The following TRAPPC9 variants were observed in gnomAD, a reference collection of about 807,000 sequenced individuals.
The protein encoded by TRAPPC9 is trafficking protein particle complex subunit 9.
Under a neutral mutation model 124.0 loss-of-function variants are expected in TRAPPC9, and 83 were observed. That is an observed-to-expected ratio of 0.67 (90% CI 0.56 to 0.80). The LOEUF is 0.80. TRAPPC9 is among the 30% of genes least tolerant of loss of function. The pLI is 0.00. For synonymous variants in TRAPPC9, 638 were observed against 617.5 expected (o/e 1.03, Z -0.49); for missense variants, 1,302 against 1,508.3 (o/e 0.86, Z 2.27).
At chr8:140,029,643 T>A (rs186308762) in intron 17 of TRAPPC9, among the ~76,000 whole-genome samples, 2,198 of 149,356 alleles carry the variant, frequency 0.015, 41 homozygotes, top group African/African-American at 0.05. Context: ...AAATTAAAAA[T>A]ATATATATAT....
intron 18 of TRAPPC9, among the ~76,000 whole-genome samples, chr8:140,002,518 AAGAAAAACTCTGAGGACTC>A (rs1281478885): frequency 6.6e-6 from 1 of 152,124 alleles, no homozygotes; most frequent in Non-Finnish European, 1.5e-5. Flanking sequence ...TTAAAAATAA[AAGAAAAACTCTGAGGACTC>A]AGAGTTTTAG....
chr8:140,222,806 C>T (rs1056013744), intron 16 of TRAPPC9, among the ~76,000 whole-genome samples: 5 of 152,136 alleles, frequency 3.3e-5, no homozygotes, highest in Admixed American at 6.5e-5. Context: ...ATGAGTATGG[C>T]GAGTATCACA....
chr8:140,352,536 C>G (rs12542330), intron 9 of TRAPPC9, among the ~76,000 whole-genome samples: 68,461 of 151,972 alleles, frequency 0.45, 15,921 homozygotes, highest in East Asian at 0.55. Flanking sequence ...GGAGAGGCCA[C>G]CTTCCCAACA....
At chr8:139,755,089 G>A (rs1242924554) in intron 21 of TRAPPC9, among the ~76,000 whole-genome samples, 1 of 152,250 alleles carries the variant, frequency 6.6e-6, no homozygotes, top group Non-Finnish European at 1.5e-5. Flanking sequence ...CACCTGAGAG[G>A]TCGTTGTAAT....
intron 18 of TRAPPC9, chr8:140,008,502 A>G (rs1041060203): frequency 6.4e-4 from 98 of 152,364 alleles, no homozygotes; most frequent in African/African-American, 2.2e-3. Context: ...GATTTCTGAG[A>G]GGTAAAGCAG....
intron 19 of TRAPPC9, among the ~76,000 whole-genome samples, chr8:139,924,088 G>A (rs1272641591): frequency 6.6e-6 from 1 of 152,134 alleles, no homozygotes; most frequent in Non-Finnish European, 1.5e-5. Context: ...CTCAGTGCAG[G>A]GTGACAGAGA....
chr8:140,384,620 T>C (rs550325000), intron 7 of TRAPPC9, among the ~76,000 whole-genome samples: 1 of 152,330 alleles, frequency 6.6e-6, no homozygotes, highest in Admixed American at 6.5e-5. Flanking sequence ...AAGAGCTAAC[T>C]ATCCTAAATA....
At chr8:140,127,251 C>G (rs1297831267) in intron 17 of TRAPPC9, among the ~76,000 whole-genome samples, 1 of 152,156 alleles carries the variant, frequency 6.6e-6, no homozygotes, top group Non-Finnish European at 1.5e-5. Context: ...GAGGCATGCA[C>G]CAAGCCTACC....
At chr8:140,330,027 C>T (rs935543042) in intron 9 of TRAPPC9, among the ~76,000 whole-genome samples, 4 of 151,956 alleles carry the variant, frequency 2.6e-5, no homozygotes, top group Non-Finnish European at 4.4e-5. Flanking sequence ...TGCAGGGAGC[C>T]GAGATTGCGC....
intron 9 of TRAPPC9, among the ~76,000 whole-genome samples, chr8:140,315,771 C>A (rs1182597448): frequency 6.6e-6 from 1 of 152,114 alleles, no homozygotes; most frequent in African/African-American, 2.4e-5. Flanking sequence ...CATAATTTGT[C>A]TTATTTGGTA....
At chr8:140,205,418 T>C (rs1403361951) in intron 17 of TRAPPC9, among the ~76,000 whole-genome samples, 1 of 152,222 alleles carries the variant, frequency 6.6e-6, no homozygotes, top group African/African-American at 2.4e-5. Context: ...AAAAGCATCA[T>C]TTACAAAGAG....
At position 140,052,636 on chromosome 8, in the gene TRAPPC9, G is replaced by T. The variant is rs143682367; in HGVS notation, c.2557-28557C>A. ...GTCTCTAGTAGAAATATAAAAATTA[G>T]CCGGGTGTGGTGGCACACATCTGTA... is the stretch of plus-strand genomic sequence containing the variant. On this transcript the variant is annotated intron_variant, in intron 17 of 22. Transcript: ENST00000438773. Among the ~76,000 whole-genome samples the T allele has an allele frequency of 1.7e-3, 256 of 152,274 alleles. 1 individual carries two copies. The highest frequency in any genetic ancestry group is 5.9e-3 in the African/African-American group (246 of 41,552).
At chr8:140,050,913 T>C (rs1164417410) in intron 17 of TRAPPC9, among the ~76,000 whole-genome samples, 1 of 152,220 alleles carries the variant, frequency 6.6e-6, no homozygotes, top group Non-Finnish European at 1.5e-5. Context: ...GCTGGGCATC[T>C]TGGCACTCTC....
chr8:139,843,193 T>C (rs1035158709), intron 21 of TRAPPC9, among the ~76,000 whole-genome samples: 8 of 152,248 alleles, frequency 5.3e-5, no homozygotes, highest in Non-Finnish European at 1.2e-4. Context: ...ATCTGCTGAA[T>C]AAACAGTCAT....
rs1357133703 is a variant in TRAPPC9 at position 139,770,060 on chromosome 8, G to A, written c.3056-37858C>T. Among the ~76,000 whole-genome samples the A allele has an allele frequency of 3.9e-5, 6 of 152,372 alleles. No individual in the cohort carries two copies. In the East Asian group the frequency reaches 1.2e-3, roughly 29 times the overall value. On this transcript the variant is annotated intron_variant, in intron 21 of 22. Transcript: ENST00000438773. Reference sequence around the variant, plus strand: ...TGGGCCACACTGACTGCGCTGGCCTGGAAGACCCTGGCCACCCTGGGCAGA... The same window carrying A: ...TGGGCCACACTGACTGCGCTGGCCTAGAAGACCCTGGCCACCCTGGGCAGA...
chr8:140,390,173 C>T (rs911428081), intron 7 of TRAPPC9, among the ~76,000 whole-genome samples: 2 of 151,946 alleles, frequency 1.3e-5, no homozygotes, highest in Non-Finnish European at 2.9e-5. Context: ...GCAGTAGTGG[C>T]GGGTGCCAGT....
chr8:139,996,542 A>G (rs939573189), intron 18 of TRAPPC9, among the ~76,000 whole-genome samples: 5 of 152,076 alleles, frequency 3.3e-5, no homozygotes, highest in African/African-American at 7.2e-5. Context: ...GGGGAAAATA[A>G]AACAGAAAAA....
At position 140,300,579 on chromosome 8, in the gene TRAPPC9, C is replaced by T. The variant is rs745348155; in HGVS notation, c.1658G>A (p.Arg553Gln). 9.9e-6 allele frequency: 16 copies of T among 1,614,028 alleles called. No homozygotes were observed. The highest frequency in any genetic ancestry group is 9.3e-5 in the African/African-American group (7 of 74,898). The change falls in exon 11 of 23, where the codon CGG becomes CAG. Residue 553 changes from arginine to glutamine, a missense_variant. Coordinates refer to ENST00000438773, the MANE Select transcript of TRAPPC9 (RefSeq NM_001160372.4). ...VKLLNLPASL[R>Q]PHKMKSLLGQ... Reference sequence around the variant, plus strand: ...CAGCAAGCTTTTCATTTTGTGTGGCCGGAGGCTAGCAGGAAGGTTCAATAG... The same window carrying T: ...CAGCAAGCTTTTCATTTTGTGTGGCTGGAGGCTAGCAGGAAGGTTCAATAG...
intron 7 of TRAPPC9, among the ~76,000 whole-genome samples, chr8:140,375,843 G>C (rs12681334): frequency 3.9e-5 from 6 of 152,186 alleles, no homozygotes; most frequent in African/African-American, 1.2e-4. Flanking sequence ...CAGATGTGTA[G>C]GGGCAGCCTG....
Sources: allele counts gnomAD v4.1 joint callset (sites outside exome capture counted in the v4.1 genomes callset), GRCh38; gene constraint gnomAD v4.1.1; transcripts MANE v1.5; gene names NCBI Gene and HGNC (gene_info 2026-07-23, HGNC 2026-07-21).